Variants in OLAH observed in about 807,000 individuals in gnomAD.
OLAH encodes S-acyl fatty acid synthase thioesterase, medium chain.
Under a neutral mutation model 27.8 loss-of-function variants are expected in OLAH, and 33 were observed. The observed-to-expected ratio is 1.19, with a 90% CI of 0.90 to 1.59. OLAH has a LOEUF of 1.59. Ranked by LOEUF, OLAH falls within the 40% of genes most tolerant of loss-of-function variation. OLAH has a pLI of 0.00. For missense variants in OLAH, 359 were observed against 310.8 expected, an observed-to-expected ratio of 1.16 and a Z score of -1.17; for synonymous variants, 120 against 102.9, an observed-to-expected ratio of 1.17 and a Z score of -1.01.
At chr10:15,072,765 G>GGGTT (rs1265956332) in intron 7 of OLAH, among the ~76,000 whole-genome samples, 2 of 151,784 alleles carry the variant, frequency 1.3e-5, no homozygotes, top group Non-Finnish European at 2.9e-5. Flanking sequence ...GGCCAGAGGG[G>GGGTT]GGTTATCTTG....
intron 1 of OLAH, among the ~76,000 whole-genome samples, chr10:15,033,232 G>T (rs560320781): frequency 1.3e-5 from 2 of 152,162 alleles, no homozygotes; most frequent in South Asian, 4.2e-4. Flanking sequence ...TTTATAACTA[G>T]TAGGAAAAAT....
intron 4 of OLAH, among the ~76,000 whole-genome samples, 179 bp from the exon 5 acceptor site, chr10:15,064,224 A>G (rs898922171): frequency 6.6e-6 from 1 of 152,232 alleles, no homozygotes; most frequent in African/African-American, 2.4e-5. Flanking sequence ...GCTGTCTTTG[A>G]AACAGTTTTT....
chr10:15,048,954 T>A (rs1462979383), intron 2 of OLAH, among the ~76,000 whole-genome samples: 1 of 151,862 alleles, frequency 6.6e-6, no homozygotes, highest in Non-Finnish European at 1.5e-5. Flanking sequence ...CATAAAAAAA[T>A]TAGCTTGACA....
intron 3 of OLAH, among the ~76,000 whole-genome samples, chr10:15,058,856 G>T (rs1277768298): frequency 6.6e-6 from 1 of 152,008 alleles, no homozygotes; most frequent in Non-Finnish European, 1.5e-5. Flanking sequence ...GAATGCCAGG[G>T]TGACAGTTGT....
At chr10:15,054,567 C>CA (rs149028140) in intron 3 of OLAH, among the ~76,000 whole-genome samples, 27,305 of 152,112 alleles carry the variant, frequency 0.18, 2,831 homozygotes, top group African/African-American at 0.27. Flanking sequence ...TGAGGCTCTC[C>CA]ATGTGTCCCT....
chr10:15,073,734 A>G lies in OLAH; in HGVS notation c.*505A>G, dbSNP rs552620432. ...TTAAAATCTCACTTGATTCTCCTTT[A>G]TGGGAAGTTTGTCGACAAAATTCAT... On this transcript the variant is annotated 3_prime_UTR_variant, in exon 8 of 8. Transcript: ENST00000378228. 10 of 151,294 alleles carry G rather than the reference A, an allele frequency of 6.6e-5. No homozygotes were observed. Among genetic ancestry groups the G allele is most frequent in the African/African-American group, 2.2e-4 (9 of 41,286 alleles). 9.4% of individuals were successfully genotyped at this position (151,294 alleles called of 1,614,324 possible).
intron 4 of OLAH, chr10:15,062,085 G>C (rs1349765131): frequency 9.2e-6 from 4 of 434,230 alleles, no homozygotes; most frequent in African/African-American, 6.1e-5. Context: ...GTAAAACCAA[G>C]ACTTTAACAG....
At chr10:15,061,928 T>C (rs777596272) in intron 4 of OLAH, 66 bp downstream of exon 4, 206 of 1,502,172 alleles carry the variant, frequency 1.4e-4, no homozygotes, top group Middle Eastern at 8.7e-4. Flanking sequence ...AGGTTAATGT[T>C]ATTCTTTGTG....
chr10:15,073,139 T>C lies in OLAH; in HGVS notation c.708T>C (p.Gly236=). 6.2e-7 allele frequency: 1 copy of C among 1,612,784 alleles called. No homozygotes were observed. The highest frequency in any genetic ancestry group is 1.7e-5 in the Admixed American group (1 of 59,932). The change falls in exon 8 of 8, where the codon GGT becomes GGC. Residue 236 remains glycine, a synonymous_variant. Coordinates refer to ENST00000378228, the MANE Select transcript of OLAH (RefSeq NM_001039702.3). ...CTAAAATTTACCAGCTTCCAGGGGG[T>C]CACTTTTATCTTCTGGATCCTGCGA... ...GNAKIYQLPG[G]HFYLLDPANE...
intron 3 of OLAH, 128 bp from the exon 4 acceptor site, chr10:15,061,596 T>A (rs1455019679): frequency 3.7e-6 from 3 of 810,598 alleles, no homozygotes; most frequent in Admixed American, 3.7e-5. Flanking sequence ...ACTTTTACCT[T>A]GCTGGACTTA....
At chr10:15,071,587 G>A in intron 6 of OLAH, 1 of 985,414 alleles carries the variant, frequency 1.0e-6, no homozygotes, top group Non-Finnish European at 1.2e-6. Context: ...TCACATCCTA[G>A]AAGTTAGATA....
At chr10:15,051,753 G>A (rs751491476) in intron 3 of OLAH, among the ~76,000 whole-genome samples, 4 of 151,412 alleles carry the variant, frequency 2.6e-5, no homozygotes, top group East Asian at 3.9e-4. Context: ...AAAACTCACC[G>A]CCAGTCGTTT....
intron 5 of OLAH, among the ~76,000 whole-genome samples, chr10:15,064,972 C>T (rs139335086): frequency 1.6e-4 from 24 of 152,290 alleles, no homozygotes; most frequent in Admixed American, 7.8e-4. Flanking sequence ...TTACTTGCAA[C>T]GGCAAAAACC....
upstream of OLAH, among the ~76,000 whole-genome samples, chr10:15,042,849 C>CTTTTTTT (rs67828197): frequency 1.3e-4 from 8 of 60,626 alleles, no homozygotes; most frequent in Admixed American, 2.4e-4. Flanking sequence ...ACCCACGTGT[C>CTTTTTTT]TTTTTTTTTT....
At chr10:15,061,390 C>G (rs1844358834) in intron 3 of OLAH, among the ~76,000 whole-genome samples, 1 of 152,104 alleles carries the variant, frequency 6.6e-6, no homozygotes, top group Non-Finnish European at 1.5e-5. Flanking sequence ...ACCCTTGAAA[C>G]CTGATGTTTT....
At chr10:15,068,303 C>T (rs1249701930) in intron 6 of OLAH, among the ~76,000 whole-genome samples, 1 of 152,178 alleles carries the variant, frequency 6.6e-6, no homozygotes, top group Non-Finnish European at 1.5e-5. Context: ...AGAGTTCCAA[C>T]ATCTGGGTCT....
chr10:15,063,913 C>G (rs190659205), intron 4 of OLAH, among the ~76,000 whole-genome samples: 32 of 152,192 alleles, frequency 2.1e-4, no homozygotes, highest in Non-Finnish European at 4.0e-4. Flanking sequence ...TCATTTCTGT[C>G]TCTGCATTCA....
intron 3 of OLAH, among the ~76,000 whole-genome samples, chr10:15,052,667 TC>T (rs1844167547): frequency 2.2e-5 from 1 of 46,024 alleles, no homozygotes; most frequent in Non-Finnish European, 4.8e-5. Flanking sequence ...TATCAAAGAG[TC>T]TGATATCATC....
At chr10:15,071,456 G>A (rs1242888092) in intron 6 of OLAH, 1 of 917,248 alleles carries the variant, frequency 1.1e-6, no homozygotes, top group Non-Finnish European at 1.3e-6. Context: ...CCTCTGCTGG[G>A]CCAAGGAGAG....
Sources: allele counts gnomAD v4.1 joint callset (sites outside exome capture counted in the v4.1 genomes callset), GRCh38; gene constraint gnomAD v4.1.1; transcripts MANE v1.5; gene names NCBI Gene and HGNC (gene_info 2026-07-23, HGNC 2026-07-21).